RIT2: variants seen among roughly 807,000 people sequenced by gnomAD.
RIT2 encodes the protein GTP-binding protein Rit2.
Under a neutral mutation model 23.7 loss-of-function variants are expected in RIT2, and 24 were observed. That is an observed-to-expected ratio of 1.01 (90% CI 0.73 to 1.43). The LOEUF is 1.43. RIT2 is among the 40% of genes most tolerant of loss of function. The pLI is 0.00. For missense variants in RIT2, 236 were observed against 266.9 expected, an observed-to-expected ratio of 0.88 and a Z score of 0.81; for synonymous variants, 107 against 91.1, an observed-to-expected ratio of 1.17 and a Z score of -0.99.
At chr18:43,065,068 T>C (rs770178014) in intron 1 of RIT2, among the ~76,000 whole-genome samples, 2 of 152,044 alleles carry the variant, frequency 1.3e-5, no homozygotes, top group Non-Finnish European at 2.9e-5. Context: ...TCTGCCCGCC[T>C]CAGCTTCCCA....
chr18:42,949,072 G>A, intron 3 of RIT2: 1 of 397,568 alleles, frequency 2.5e-6, no homozygotes, highest in East Asian at 3.6e-5. Flanking sequence ...AAAATAGAGA[G>A]TGCTGCAGCA....
At chr18:43,057,798 C>CATTTTTTTTTTTTTTTTTTTT (rs1912542058) in intron 1 of RIT2, among the ~76,000 whole-genome samples, 1 of 122,674 alleles carries the variant, frequency 8.2e-6, no homozygotes, top group Non-Finnish European at 1.7e-5. Flanking sequence ...GTGATGGACA[C>CATTTTTTTTTTTTTTTTTTTT]TTTTTTTTTT....
intron 1 of RIT2, among the ~76,000 whole-genome samples, chr18:43,084,124 A>C (rs1208665065): frequency 6.6e-6 from 1 of 152,240 alleles, no homozygotes; most frequent in Non-Finnish European, 1.5e-5. Flanking sequence ...GTCAACACAC[A>C]TAGGAAAAAA....
At chr18:43,006,715 A>G (rs1911235950) in intron 2 of RIT2, among the ~76,000 whole-genome samples, 1 of 151,602 alleles carries the variant, frequency 6.6e-6, no homozygotes, top group South Asian at 2.1e-4. Flanking sequence ...TGACATGCAA[A>G]GAAGTTCCAA....
At chr18:42,794,185 C>T (rs562466087) in intron 4 of RIT2, among the ~76,000 whole-genome samples, 11 of 152,272 alleles carry the variant, frequency 7.2e-5, no homozygotes, top group Admixed American at 1.3e-4. Flanking sequence ...TTCCAGAGTG[C>T]CCTGCAGGGT....
At chr18:42,796,152 A>G (rs901662764) in intron 4 of RIT2, among the ~76,000 whole-genome samples, 1 of 152,050 alleles carries the variant, frequency 6.6e-6, no homozygotes, top group Admixed American at 6.6e-5. Flanking sequence ...TTGGGTCCAC[A>G]CTGCTTTTAT....
At chr18:42,895,727 C>T (rs1181436483) in intron 4 of RIT2, among the ~76,000 whole-genome samples, 1 of 152,188 alleles carries the variant, frequency 6.6e-6, no homozygotes, top group Non-Finnish European at 1.5e-5. Flanking sequence ...CTCGGTAAGA[C>T]ACTTTCCTCT....
chr18:42,764,568 A>G (rs1243727967), intron 4 of RIT2, among the ~76,000 whole-genome samples: 1 of 152,226 alleles, frequency 6.6e-6, no homozygotes, highest in Non-Finnish European at 1.5e-5. Context: ...GTGAGCCATT[A>G]TCTTTATCAC....
intron 2 of RIT2, among the ~76,000 whole-genome samples, chr18:42,991,887 G>A (rs533613365): frequency 1.3e-5 from 2 of 152,010 alleles, no homozygotes; most frequent in East Asian, 1.9e-4. Context: ...GCCCGCCTGC[G>A]GCCAGGTGAT....
intron 4 of RIT2, among the ~76,000 whole-genome samples, chr18:42,771,153 T>C (rs1005844149): frequency 3.9e-5 from 6 of 152,138 alleles, no homozygotes; most frequent in Middle Eastern, 3.2e-3. Flanking sequence ...CATTGCTAGT[T>C]TTCCCTTCAT....
chr18:42,908,711 T>C (rs1908688283), intron 4 of RIT2, among the ~76,000 whole-genome samples: 1 of 152,138 alleles, frequency 6.6e-6, no homozygotes, highest in African/African-American at 2.4e-5. Flanking sequence ...AATAAAGACA[T>C]TCTCAGTTGA....
intron 2 of RIT2, among the ~76,000 whole-genome samples, chr18:43,028,784 G>A (rs1911789381): frequency 6.6e-6 from 1 of 151,820 alleles, no homozygotes. Flanking sequence ...GACTCCTAAT[G>A]GCTCTGGGCA....
chr18:42,961,162 T>C (rs918008637), intron 3 of RIT2, among the ~76,000 whole-genome samples: 2 of 152,202 alleles, frequency 1.3e-5, no homozygotes, highest in South Asian at 2.1e-4. Context: ...ATAAATGTTA[T>C]AGTAACTATA....
chr18:42,920,718 T>G, intron 4 of RIT2: 1 of 1,596,018 alleles, frequency 6.3e-7, no homozygotes, highest in African/African-American at 1.3e-5. Context: ...AGAAGCAGCT[T>G]CAACCATCAG....
chr18:43,053,340 C>A (rs1019237785), intron 1 of RIT2, among the ~76,000 whole-genome samples: 1 of 151,884 alleles, frequency 6.6e-6, no homozygotes, highest in Non-Finnish European at 1.5e-5. Flanking sequence ...ATAAGACATG[C>A]AACTGGATTT....
At chr18:42,960,502 A>G (rs563708566) in intron 3 of RIT2, among the ~76,000 whole-genome samples, 1 of 152,116 alleles carries the variant, frequency 6.6e-6, no homozygotes, top group South Asian at 2.1e-4. Flanking sequence ...TTTAGTAGAG[A>G]CGGGGTTTCA....
intron 4 of RIT2, among the ~76,000 whole-genome samples, chr18:42,863,294 G>A (rs1275604427): frequency 2.6e-5 from 4 of 152,146 alleles, no homozygotes; most frequent in Non-Finnish European, 5.9e-5. Flanking sequence ...TCAAGGGTAT[G>A]TAGGTGTGTA....
In RIT2 at chr18:43,115,608, C is replaced by T; in HGVS notation, c.-89G>A. 6.6e-7 allele frequency: 1 copy of T among 1,505,364 alleles called. No individual in the cohort carries two copies. The highest frequency in any genetic ancestry group is 8.8e-7 in the Non-Finnish European group (1 of 1,135,394). The allele number at this position is 1,505,364 out of a possible 1,614,324, so 93.3% of individuals were successfully genotyped here. A position where few individuals can be genotyped will look rare whatever the true frequency, so the allele number is the denominator to read the frequency against. ...ATATTAAGCAACTCTAAAACTGTGT[C>T]AAAGCAAAGGTTTTAGTACGAGGTA... On this transcript the variant is annotated 5_prime_UTR_variant, in exon 1 of 5. Transcript: ENST00000326695.
intron 4 of RIT2, among the ~76,000 whole-genome samples, chr18:42,826,951 TAAAAG>T (rs1251246888): frequency 2.0e-5 from 3 of 152,056 alleles, no homozygotes; most frequent in South Asian, 2.1e-4. Flanking sequence ...ATTGAAAACA[TAAAAG>T]AAAATAAATC....
Sources: allele counts gnomAD v4.1 joint callset (sites outside exome capture counted in the v4.1 genomes callset), GRCh38; gene constraint gnomAD v4.1.1; transcripts MANE v1.5; gene names NCBI Gene and HGNC (gene_info 2026-07-23, HGNC 2026-07-21).